The following ADGRV1 variants were observed in gnomAD, a reference collection of about 807,000 sequenced individuals.
ADGRV1 encodes the protein adhesion G protein-coupled receptor V1.
ADGRV1 carries 359 observed loss-of-function variants against 596.2 expected under a neutral mutation model. The ratio of observed to expected loss-of-function variants is 0.60; its 90% CI spans 0.55 to 0.66. ADGRV1 has a LOEUF of 0.66. ADGRV1 is among the 30% of genes least tolerant of loss of function. The pLI is 0.00. For missense variants in ADGRV1, 7,274 were observed against 7,575.6 expected (o/e 0.96, Z 1.48); for synonymous variants, 2,681 against 2,679.2 (o/e 1.00, Z -0.02).
At chr5:90,815,967 G>A (rs1327540935) in intron 75 of ADGRV1, among the ~76,000 whole-genome samples, 1 of 152,122 alleles carries the variant, frequency 6.6e-6, no homozygotes, top group Non-Finnish European at 1.5e-5. Flanking sequence ...ACAAATATCA[G>A]ACTATGTAGG....
chr5:91,130,942 G>A (rs1794164344), intron 87 of ADGRV1, among the ~76,000 whole-genome samples: 1 of 152,204 alleles, frequency 6.6e-6, no homozygotes, highest in Non-Finnish European at 1.5e-5. Flanking sequence ...TGCCACAAAG[G>A]ATGTGATTTC....
rs111986329 is a variant in ADGRV1 at position 90,672,819 on chromosome 5, C to T, written c.4929+97C>T. 3.7e-5 allele frequency: 32 copies of T among 859,846 alleles called. 1 individual carries two copies. The highest frequency in any genetic ancestry group is 2.9e-4 in the African/African-American group (17 of 59,126). The allele number at this position is 859,846 out of a possible 1,614,324, so 53.3% of individuals were successfully genotyped here. A position where few individuals can be genotyped will look rare whatever the true frequency, so the allele number is the denominator to read the frequency against. On this transcript the variant is annotated intron_variant, in intron 22 of 89. Coordinates refer to ENST00000405460, the MANE Select transcript of ADGRV1 (RefSeq NM_032119.4). ...TCTTTGCAGCTTTTGATTGAAGTGT[C>T]GCTTCCCATTATTATTTACAACTGT...
At chr5:90,561,504 C>T (rs770863364) in intron 1 of ADGRV1, among the ~76,000 whole-genome samples, 14 of 152,130 alleles carry the variant, frequency 9.2e-5, no homozygotes, top group Non-Finnish European at 1.9e-4. Flanking sequence ...TCTTATATTG[C>T]TGCCCTACTT....
At chr5:90,848,051 T>G (rs1171607864) in intron 78 of ADGRV1, among the ~76,000 whole-genome samples, 1 of 152,080 alleles carries the variant, frequency 6.6e-6, no homozygotes, top group Non-Finnish European at 1.5e-5. Flanking sequence ...TTTTTCCTCC[T>G]TTTTTCCCCT....
At chr5:90,983,976 G>A (rs1221356554) in intron 84 of ADGRV1, among the ~76,000 whole-genome samples, 1 of 152,148 alleles carries the variant, frequency 6.6e-6, no homozygotes, top group Non-Finnish European at 1.5e-5. Flanking sequence ...AAATAGAAAA[G>A]TGTTTATCTT....
chr5:90,806,285 T>G (rs1275188985), intron 72 of ADGRV1, among the ~76,000 whole-genome samples: 1 of 152,088 alleles, frequency 6.6e-6, no homozygotes, highest in Non-Finnish European at 1.5e-5. Context: ...AAGAGAGAAA[T>G]TAGCTGCGTG....
intron 57 of ADGRV1, among the ~76,000 whole-genome samples, chr5:90,757,459 ACTGT>A (rs1258930707): frequency 6.6e-6 from 1 of 152,170 alleles, no homozygotes; most frequent in Middle Eastern, 3.2e-3. Context: ...TGTATAGAAA[ACTGT>A]CTGATGAACT....
intron 83 of ADGRV1, among the ~76,000 whole-genome samples, chr5:90,870,685 A>G (rs1768584958): frequency 6.6e-6 from 1 of 152,212 alleles, no homozygotes; most frequent in Admixed American, 6.5e-5. Flanking sequence ...CAATGAAAGA[A>G]GAAGGCAATC....
Position 90,729,784 on chromosome 5 carries a change from T to C in ADGRV1, c.10549+20T>C, listed in dbSNP as rs1752299074. ...GAATAGGTAAGGACTTTTCAACTGC[T>C]CACCAATTCTAAAGGTAGTATGGAA... is the stretch of plus-strand genomic sequence containing the variant. On this transcript the variant is annotated intron_variant, in intron 50 of 89. Transcript: ENST00000405460. 8.1e-6 allele frequency: 13 copies of C among 1,610,834 alleles called. No individual in the cohort carries two copies. Among genetic ancestry groups the C allele is most frequent in the African/African-American group, 6.7e-5 (5 of 74,850 alleles).
At chr5:90,627,917 GACACACACACAC>G (rs3041948) in intron 7 of ADGRV1, 141 bp downstream of exon 7, 268 of 230,370 alleles carry the variant, frequency 1.2e-3, no homozygotes, top group East Asian at 7.4e-3. Context: ...ACTCAGAAAA[GACACACACACAC>G]ACACACACAC....
chr5:90,682,839 CAT>C (rs145240737), intron 27 of ADGRV1, among the ~76,000 whole-genome samples: 3,245 of 152,240 alleles, frequency 0.021, 102 homozygotes, highest in African/African-American at 0.074. Context: ...TCATTCTTAA[CAT>C]ATTATTGACA....
At chr5:91,069,396 G>A (rs545069512) in intron 85 of ADGRV1, among the ~76,000 whole-genome samples, 2 of 152,160 alleles carry the variant, frequency 1.3e-5, no homozygotes, top group East Asian at 1.9e-4. Context: ...TATGAGGAAC[G>A]TATACAATTG....
chr5:90,558,844 A>C lies in ADGRV1; in HGVS notation c.-52A>C. On this transcript the variant is annotated 5_prime_UTR_variant, in exon 1 of 90. Coordinates refer to ENST00000405460, the MANE Select transcript of ADGRV1 (RefSeq NM_032119.4). ...GGCAAGGAGTACGGACGGGAGTCAG[A>C]GGCAGAGCGAGGGTGTGTGGAGGGC... is the stretch of plus-strand genomic sequence containing the variant. 1 of 1,549,266 alleles carries C rather than the reference A, an allele frequency of 6.5e-7. No homozygotes were observed. Among genetic ancestry groups the C allele is most frequent in the Non-Finnish European group, 8.8e-7 (1 of 1,142,510 alleles).
rs750123644 is a variant in ADGRV1, at chr5:90,742,230, T to C, written c.10550-2816T>C. On this transcript the variant is annotated intron_variant, in intron 50 of 89. Transcript: ENST00000405460. ...TCTAGTTATAAATGGATAACTGCTA[T>C]GAAAGGATAGAATACTTTCATACTA... Among the ~76,000 whole-genome samples the C allele has an allele frequency of 6.6e-6, 1 of 152,212 alleles. No individual in the cohort carries two copies. Among genetic ancestry groups the C allele is most frequent in the Non-Finnish European group, 1.5e-5 (1 of 68,024 alleles).
intron 1 of ADGRV1, among the ~76,000 whole-genome samples, chr5:90,566,659 A>G (rs1337235900): frequency 6.6e-6 from 1 of 152,070 alleles, no homozygotes; most frequent in Non-Finnish European, 1.5e-5. Context: ...AGAAATAACA[A>G]TTGATTCTTG....
intron 85 of ADGRV1, among the ~76,000 whole-genome samples, chr5:91,031,891 G>A (rs569724180): frequency 2.2e-4 from 33 of 152,130 alleles, no homozygotes; most frequent in Admixed American, 2.6e-4. Flanking sequence ...CTGCGCTTGC[G>A]GATTTTATGA....
At chr5:90,763,608 T>C (rs1756754278) in intron 59 of ADGRV1, 139 bp downstream of exon 59, 1 of 768,814 alleles carries the variant, frequency 1.3e-6, no homozygotes, top group South Asian at 2.6e-5. Flanking sequence ...TTTGGGCTTC[T>C]AGTGAGCCCA....
rs370368330 is a variant in ADGRV1, at chr5:90,729,789, A to C, written c.10549+25A>C. On this transcript the variant is annotated intron_variant, in intron 50 of 89. Transcript: ENST00000405460. ...GGTAAGGACTTTTCAACTGCTCACCAATTCTAAAGGTAGTATGGAAAGCCA... is the reference window on the plus strand; with the variant it reads ...GGTAAGGACTTTTCAACTGCTCACCCATTCTAAAGGTAGTATGGAAAGCCA... 1.0e-4 allele frequency: 167 copies of C among 1,609,316 alleles called. 1 individual carries two copies. The African/African-American group carries it at 1.7e-3, about 17-fold the overall frequency.
At chr5:91,058,513 T>G (rs944250080) in intron 85 of ADGRV1, among the ~76,000 whole-genome samples, 1 of 149,780 alleles carries the variant, frequency 6.7e-6, no homozygotes, top group Admixed American at 6.8e-5. Flanking sequence ...TTTGTGGGAG[T>G]GGGACAGTAG....
Sources: gnomAD v4.1 joint callset for allele counts (sites outside exome capture counted in the v4.1 genomes callset) on GRCh38, gnomAD v4.1.1 for gene constraint, MANE v1.5 for transcripts, NCBI Gene and HGNC (gene_info 2026-07-23, HGNC 2026-07-21) for gene names.